ELF2: variants seen among roughly 807,000 people sequenced by gnomAD.
ELF2 encodes E74 like ETS transcription factor 2.
ELF2 carries 11 observed loss-of-function variants against 54.8 expected under a neutral mutation model. The ratio of observed to expected loss-of-function variants is 0.20; its 90% CI spans 0.13 to 0.33. The LOEUF is 0.33. Among genes scored for constraint, ELF2 ranks in the 10% least tolerant of loss-of-function variants. The pLI, the probability that ELF2 is intolerant of heterozygous loss-of-function variation, is 1.00. For synonymous variants in ELF2, 203 were observed against 245.1 expected, an observed-to-expected ratio of 0.83 and a Z score of 1.61; for missense variants, 513 against 703.0, an observed-to-expected ratio of 0.73 and a Z score of 3.06.
In ELF2 at chr4:139,069,899, T is replaced by C. The variant is rs7686218; in HGVS notation, c.526+1967A>G. Among the ~76,000 whole-genome samples the C allele has an allele frequency of 9.2e-3, 1,400 of 152,138 alleles. 23 individuals carry two copies. The highest frequency in any genetic ancestry group is 0.032 in the African/African-American group (1,340 of 41,522). ...TCTCACTCTGTCGCCCAGGCTGGAA[T>C]GCAGTGGCACGATTATGGCTCATTG... is the stretch of plus-strand genomic sequence containing the variant. On this transcript the variant is annotated intron_variant, in intron 6 of 9. Coordinates refer to ENST00000686138, the MANE Select transcript of ELF2 (RefSeq NM_001331036.3).
chr4:139,157,057 C>T (rs72724743), intron 1 of ELF2, among the ~76,000 whole-genome samples: 4,206 of 152,240 alleles, frequency 0.028, 98 homozygotes, highest in Non-Finnish European at 0.04. Flanking sequence ...AGGATTTTGT[C>T]ATTGTGCAAA....
At chr4:139,146,498 C>T (rs1189715882) in intron 1 of ELF2, among the ~76,000 whole-genome samples, 2 of 152,150 alleles carry the variant, frequency 1.3e-5, no homozygotes, top group African/African-American at 2.4e-5. Flanking sequence ...ACAGCAACAT[C>T]CTTTTTCACA....
At chr4:139,070,943 A>C (rs773476978) in intron 6 of ELF2, among the ~76,000 whole-genome samples, 4 of 152,160 alleles carry the variant, frequency 2.6e-5, no homozygotes, top group Non-Finnish European at 5.9e-5. Flanking sequence ...TTTACTCTAA[A>C]ATGTGAAGAG....
chr4:139,157,732 T>G lies in ELF2; in HGVS notation c.-251-18235A>C, dbSNP rs74641539. ...TGGAGATATTTTGATGCTTCCTTTA[T>G]CAGGCACGTTTTGACACTTCTAGAA... On this transcript the variant is annotated intron_variant, in intron 1 of 9. Coordinates refer to ENST00000686138, the MANE Select transcript of ELF2 (RefSeq NM_001331036.3). Among the ~76,000 whole-genome samples the G allele has an allele frequency of 4.2e-3, 644 of 152,300 alleles. 7 individuals are homozygous for G. The highest frequency in any genetic ancestry group is 0.015 in the African/African-American group (603 of 41,566).
intron 8 of ELF2, among the ~76,000 whole-genome samples, chr4:139,060,995 T>C (rs546438983): frequency 3.9e-5 from 6 of 152,290 alleles, no homozygotes. Flanking sequence ...GAAATTATTT[T>C]CTGATTTACA....
At chr4:139,162,324 C>T (rs1389979899) in intron 1 of ELF2, among the ~76,000 whole-genome samples, 2 of 151,944 alleles carry the variant, frequency 1.3e-5, no homozygotes, top group African/African-American at 4.8e-5. Context: ...CAAGACCAGC[C>T]AGTTTGAGAC....
chr4:139,133,131 C>A (rs112501859), intron 3 of ELF2, among the ~76,000 whole-genome samples: 4,083 of 152,036 alleles, frequency 0.027, 99 homozygotes, highest in African/African-American at 0.064. Flanking sequence ...CTGCGATAGC[C>A]AGGATGTTCT....
At chr4:139,162,430 T>C (rs1367705442) in intron 1 of ELF2, among the ~76,000 whole-genome samples, 1 of 148,854 alleles carries the variant, frequency 6.7e-6, no homozygotes, top group Admixed American at 6.7e-5. Flanking sequence ...ACTCCGGAGG[T>C]TGAGGAAGGA....
chr4:139,130,234 A>C (rs559302626), intron 3 of ELF2, among the ~76,000 whole-genome samples: 1 of 149,764 alleles, frequency 6.7e-6, no homozygotes, highest in Admixed American at 6.6e-5. Flanking sequence ...AAAAACAAAC[A>C]ACAATAAAAA....
intron 4 of ELF2, among the ~76,000 whole-genome samples, chr4:139,081,648 A>G (rs1309736060): frequency 6.6e-6 from 1 of 152,206 alleles, no homozygotes; most frequent in Non-Finnish European, 1.5e-5. Flanking sequence ...TATTCTGTCC[A>G]TTACACAAAT....
intron 1 of ELF2, among the ~76,000 whole-genome samples, chr4:139,163,978 AAAGGAAAGAAAG>A (rs1301474342): frequency 6.7e-6 from 1 of 148,982 alleles, no homozygotes; most frequent in Non-Finnish European, 1.5e-5. Context: ...AAAGGAAAGG[AAAGGAAAGAAAG>A]AAGGAAAGGA....
rs1303639716 is a variant in ELF2 at position 139,137,733 on chromosome 4, TA to T, written c.-33del. 2 of 1,612,440 alleles carry T rather than the reference TA, an allele frequency of 1.2e-6. No individual in the cohort carries two copies. The highest frequency in any genetic ancestry group is 2.7e-5 in the African/African-American group (2 of 74,876). On this transcript the variant is annotated 5_prime_UTR_variant, in exon 3 of 10. Transcript: ENST00000686138. Reference sequence around the variant, plus strand: ...TCCCTGAGGAAGCTTCAAACGCTATTAATCAATGAAATTAAAGGTTCACTGA... The same window carrying T: ...TCCCTGAGGAAGCTTCAAACGCTATTATCAATGAAATTAAAGGTTCACTGA...
chr4:139,084,315 G>A, intron 4 of ELF2: 2 of 1,581,170 alleles, frequency 1.3e-6, no homozygotes, highest in Middle Eastern at 1.8e-4. Flanking sequence ...TCACGCACTC[G>A]CACACACTCC....
At chr4:139,067,454 T>C (rs953640795) in intron 7 of ELF2, 5 of 470,628 alleles carry the variant, frequency 1.1e-5, no homozygotes, top group East Asian at 3.1e-5. Flanking sequence ...CAAGTCCCTA[T>C]ATCCCCCATG....
chr4:139,148,507 T>C (rs1382807239), intron 1 of ELF2, among the ~76,000 whole-genome samples: 1 of 151,916 alleles, frequency 6.6e-6, no homozygotes, highest in Admixed American at 6.6e-5. Context: ...CTGGCTTCTT[T>C]CACTTACAAT....
chr4:139,156,182 G>A (rs1289255820), intron 1 of ELF2, among the ~76,000 whole-genome samples: 1 of 151,006 alleles, frequency 6.6e-6, no homozygotes, highest in African/African-American at 2.4e-5. Context: ...TTTTTGGCGG[G>A]GGAGTCGTCG....
At chr4:139,174,912 C>G (rs1742751380) in intron 1 of ELF2, among the ~76,000 whole-genome samples, 1 of 152,192 alleles carries the variant, frequency 6.6e-6, no homozygotes, top group South Asian at 2.1e-4. Flanking sequence ...AGCCACTGCA[C>G]CCAGCAACTA....
chr4:139,067,542 G>A (rs925817662), intron 7 of ELF2, 142 bp downstream of exon 7: 4 of 778,128 alleles, frequency 5.1e-6, no homozygotes, highest in African/African-American at 1.7e-5. Context: ...ACGTGATGCT[G>A]ATACATCCCT....
rs911525127 is a variant in ELF2, at chr4:139,177,071, T to C, written c.-356A>G. 1 of 151,716 alleles carries C rather than the reference T, an allele frequency of 6.6e-6. No individual in the cohort carries two copies. Among genetic ancestry groups the C allele is most frequent in the Non-Finnish European group, 1.5e-5 (1 of 68,016 alleles). The allele number at this position is 151,716 out of a possible 1,614,324, so 9.4% of individuals were successfully genotyped here. Reference sequence around the variant, plus strand: ...CGAGCGTCCGGAGGGAGCCGGGGCCTCCCCAGCAGCCCGAGCCGCTCCACA... The same window carrying C: ...CGAGCGTCCGGAGGGAGCCGGGGCCCCCCCAGCAGCCCGAGCCGCTCCACA... On this transcript the variant is annotated 5_prime_UTR_variant, in exon 1 of 10. Coordinates refer to ENST00000686138, the MANE Select transcript of ELF2 (RefSeq NM_001331036.3).
Sources: gnomAD v4.1 joint callset for allele counts (sites outside exome capture counted in the v4.1 genomes callset) on GRCh38, gnomAD v4.1.1 for gene constraint, MANE v1.5 for transcripts, NCBI Gene and HGNC (gene_info 2026-07-23, HGNC 2026-07-21) for gene names.